Variants in SPOCK1 observed in about 807,000 individuals in gnomAD.
SPOCK1 encodes testican-1.
Under a neutral mutation model 55.3 loss-of-function variants are expected in SPOCK1, and 23 were observed. The observed-to-expected ratio is 0.42, with a 90% CI of 0.30 to 0.59. The LOEUF is 0.59. Among genes scored for constraint, SPOCK1 ranks in the 20% least tolerant of loss-of-function variants. The pLI is 0.22. For missense variants in SPOCK1, 499 were observed against 552.5 expected (o/e 0.90, Z 0.97); for synonymous variants, 226 against 221.0 (o/e 1.02, Z -0.20).
intron 2 of SPOCK1, among the ~76,000 whole-genome samples, chr5:137,471,477 C>T (rs1049415060): frequency 3.3e-5 from 5 of 152,206 alleles, no homozygotes; most frequent in African/African-American, 1.2e-4. Context: ...GTAACATGCT[C>T]AGCCCATAGT....
rs185412748 is a variant in SPOCK1, at chr5:137,411,764, G to C, written c.186+86609C>G. ...GCTCCCATCCTGCAAATGAGAGCAT[G>C]GCAAAGTGCAGGAAGTTAAATAAAT... On this transcript the variant is annotated intron_variant, in intron 2 of 10. Transcript: ENST00000394945. 2.6e-5 allele frequency among the ~76,000 whole-genome samples: 4 copies of C among 152,290 alleles called. 1 individual carries two copies. Among genetic ancestry groups the C allele is most frequent in the Admixed American group, 2.6e-4 (4 of 15,300 alleles).
intron 5 of SPOCK1, among the ~76,000 whole-genome samples, chr5:137,091,663 T>C (rs1753056829): frequency 6.6e-6 from 1 of 152,122 alleles, no homozygotes; most frequent in African/African-American, 2.4e-5. Context: ...TGTTGGAGGA[T>C]CACAGACTGG....
chr5:137,172,051 T>C lies in SPOCK1; in HGVS notation c.233-31357A>G, dbSNP rs538444818. On this transcript the variant is annotated intron_variant, in intron 3 of 10. Coordinates refer to ENST00000394945, the MANE Select transcript of SPOCK1 (RefSeq NM_004598.4). ...GTTGTCATACTTCACTTGAGTGAAA[T>C]AGCTTTCTCAAGAAAGTCAACGATT... is the stretch of plus-strand genomic sequence containing the variant. Among the ~76,000 whole-genome samples, 55 of 152,300 alleles carry C rather than the reference T, an allele frequency of 3.6e-4. No homozygotes were observed. In the South Asian group the frequency reaches 0.011, roughly 30 times the overall value.
At position 137,395,926 on chromosome 5, in the gene SPOCK1, C is replaced by T. The variant is rs564435243; in HGVS notation, c.186+102447G>A. Reference sequence around the variant, plus strand: ...CCTCCCAGAAAGATCCCAATCCCCCCCAATACAAATAGAAAGGCTACAACT... The same window carrying T: ...CCTCCCAGAAAGATCCCAATCCCCCTCAATACAAATAGAAAGGCTACAACT... On this transcript the variant is annotated intron_variant, in intron 2 of 10. Coordinates refer to ENST00000394945, the MANE Select transcript of SPOCK1 (RefSeq NM_004598.4). 2.6e-5 allele frequency among the ~76,000 whole-genome samples: 4 copies of T among 152,300 alleles called. No individual in the cohort carries two copies. The East Asian group carries it at 7.7e-4, about 29-fold the overall frequency.
intron 2 of SPOCK1, among the ~76,000 whole-genome samples, chr5:137,349,780 A>T (rs1750636214): frequency 6.6e-6 from 1 of 152,036 alleles, no homozygotes; most frequent in Non-Finnish European, 1.5e-5. Context: ...CTCTCTCTGC[A>T]TGTCTGTCTC....
At chr5:137,409,507 G>A (rs1580910019) in intron 2 of SPOCK1, among the ~76,000 whole-genome samples, 1 of 152,200 alleles carries the variant, frequency 6.6e-6, no homozygotes, top group Non-Finnish European at 1.5e-5. Flanking sequence ...AATCTGCCAT[G>A]TGCTAGCTGT....
intron 2 of SPOCK1, among the ~76,000 whole-genome samples, chr5:137,283,026 T>C (rs1366235653): frequency 6.6e-6 from 1 of 152,238 alleles, no homozygotes; most frequent in Non-Finnish European, 1.5e-5. Flanking sequence ...AGTGCAGATG[T>C]GGGCATCTAC....
intron 3 of SPOCK1, among the ~76,000 whole-genome samples, chr5:137,244,863 AAGATCCAACCCCCTAC>A (rs1244329919): frequency 2.0e-5 from 3 of 152,188 alleles, no homozygotes; most frequent in Non-Finnish European, 4.4e-5. Flanking sequence ...ATAAGAACCA[AAGATCCAACCCCCTAC>A]AGGGTGGGGA....
At chr5:137,430,827 T>C (rs1752728457) in intron 2 of SPOCK1, among the ~76,000 whole-genome samples, 1 of 152,208 alleles carries the variant, frequency 6.6e-6, no homozygotes, top group Admixed American at 6.5e-5. Context: ...GCAAACACCT[T>C]TTCCCTTGCT....
At chr5:137,403,233 C>T (rs1231890712) in intron 2 of SPOCK1, among the ~76,000 whole-genome samples, 1 of 152,206 alleles carries the variant, frequency 6.6e-6, no homozygotes, top group Non-Finnish European at 1.5e-5. Context: ...TGAGAGCAGT[C>T]ACGCTGCACT....
chr5:137,429,407 T>A (rs764787833), intron 2 of SPOCK1, among the ~76,000 whole-genome samples: 7 of 152,220 alleles, frequency 4.6e-5, no homozygotes, highest in Non-Finnish European at 8.8e-5. Context: ...ATACTTTCCT[T>A]TACAGCACTT....
intron 3 of SPOCK1, among the ~76,000 whole-genome samples, chr5:137,153,096 T>C (rs1376856947): frequency 6.6e-6 from 1 of 152,220 alleles, no homozygotes; most frequent in East Asian, 1.9e-4. Flanking sequence ...TCAATAACTA[T>C]TGCTGAGCCC....
chr5:137,367,442 T>C (rs772345268), intron 2 of SPOCK1, among the ~76,000 whole-genome samples: 1 of 152,116 alleles, frequency 6.6e-6, no homozygotes, highest in Non-Finnish European at 1.5e-5. Context: ...CTCCAGGGGT[T>C]CAAGGCCCCA....
chr5:137,045,043 T>C (rs1022819442), intron 6 of SPOCK1, among the ~76,000 whole-genome samples: 2 of 140,504 alleles, frequency 1.4e-5, no homozygotes, highest in African/African-American at 5.4e-5. Context: ...CAGTCTATCA[T>C]TGTTGGACAT....
chr5:137,139,617 T>C (rs1754054735), intron 4 of SPOCK1, among the ~76,000 whole-genome samples: 1 of 152,048 alleles, frequency 6.6e-6, no homozygotes, highest in African/African-American at 2.4e-5. Context: ...GGTTGCTTTA[T>C]TTGTCTGAGG....
At chr5:137,488,898 T>C (rs1342955351) in intron 2 of SPOCK1, among the ~76,000 whole-genome samples, 2 of 152,298 alleles carry the variant, frequency 1.3e-5, no homozygotes, top group East Asian at 1.9e-4. Context: ...AATCCTTGTA[T>C]AATATGTCCG....
chr5:137,058,162 T>G (rs949692786), intron 6 of SPOCK1, among the ~76,000 whole-genome samples: 2 of 152,154 alleles, frequency 1.3e-5, no homozygotes, highest in African/African-American at 4.8e-5. Flanking sequence ...GGTGTGCACT[T>G]TTTCTTTTTT....
At chr5:137,134,077 T>A (rs1356944953) in intron 4 of SPOCK1, among the ~76,000 whole-genome samples, 2 of 152,170 alleles carry the variant, frequency 1.3e-5, no homozygotes, top group African/African-American at 4.8e-5. Context: ...AGGCATGGAC[T>A]CTGGAAGTGC....
rs1356799857 is a variant in SPOCK1 at position 137,297,834 on chromosome 5, CAGAA to C, written c.187-30783_187-30780del. Reference sequence around the variant, plus strand: ...AGACTTCTGGCACACTTAATTTTAACAGAAGGAGGAAAATGATAGGAGAAAGTAC... The same window carrying C: ...AGACTTCTGGCACACTTAATTTTAACGGAGGAAAATGATAGGAGAAAGTAC... On this transcript the variant is annotated intron_variant, in intron 2 of 10. Transcript: ENST00000394945. Among the ~76,000 whole-genome samples, 17 of 152,156 alleles carry C rather than the reference CAGAA, an allele frequency of 1.1e-4. No homozygotes were observed. In the East Asian group the frequency reaches 2.9e-3, roughly 26 times the overall value.
Sources: gnomAD v4.1 joint callset for allele counts (sites outside exome capture counted in the v4.1 genomes callset) on GRCh38, gnomAD v4.1.1 for gene constraint, MANE v1.5 for transcripts, NCBI Gene and HGNC (gene_info 2026-07-23, HGNC 2026-07-21) for gene names.